TENM1: variants seen among roughly 807,000 people sequenced by gnomAD.
The protein encoded by TENM1 is teneurin-1.
A neutral mutation model predicts 174.8 loss-of-function variants in TENM1; 35 were observed. The ratio of observed to expected loss-of-function variants is 0.20; its 90% CI spans 0.15 to 0.27. TENM1 has a LOEUF of 0.27. Among genes scored for constraint, TENM1 ranks in the 10% least tolerant of loss-of-function variants. The pLI, the probability that TENM1 is intolerant of heterozygous loss-of-function variation, is 1.00. For missense variants in TENM1, 1,633 were observed against 2,130.1 expected (o/e 0.77, Z 4.59); for synonymous variants, 781 against 798.7 (o/e 0.98, Z 0.37).
intron 11 of TENM1, among the ~76,000 whole-genome samples, chrX:124,623,264 T>C (rs1046727197): frequency 3.6e-5 from 4 of 110,865 alleles, no homozygotes; most frequent in African/African-American, 1.3e-4. Context: ...TGAGTGTGCA[T>C]ATATGTGTGA....
chrX:125,080,321 G>A, the TENM1 span, among the ~76,000 whole-genome samples: 2 of 112,088 alleles, frequency 1.8e-5, no homozygotes, highest in Non-Finnish European at 1.9e-5. Context: ...GAATGGCACA[G>A]CTTGCCTATG....
At chrX:125,023,875 C>G in the TENM1 span, among the ~76,000 whole-genome samples, 2 of 111,180 alleles carry the variant, frequency 1.8e-5, no homozygotes, top group Non-Finnish European at 3.8e-5. Context: ...GGAACACAAA[C>G]AACTCAACAA....
chrX:124,567,265 C>T (rs1214117875), intron 11 of TENM1, among the ~76,000 whole-genome samples: 2 of 110,970 alleles, frequency 1.8e-5, no homozygotes, highest in Admixed American at 9.6e-5. Flanking sequence ...TATTTAAAGG[C>T]ATGGAAATAA....
intron 3 of TENM1, among the ~76,000 whole-genome samples, chrX:124,826,928 A>T (rs1266219169): frequency 1.8e-5 from 2 of 110,484 alleles, no homozygotes; most frequent in South Asian, 3.8e-4. Flanking sequence ...ACTGGTGTTT[A>T]AAAAAAAATG....
At chrX:124,921,240 C>A (rs1367715464) in intron 1 of TENM1, among the ~76,000 whole-genome samples, 8 of 110,056 alleles carry the variant, frequency 7.3e-5, no homozygotes, top group African/African-American at 2.6e-4. Context: ...TACAGTTGTT[C>A]ATAAAGACAA....
intron 19 of TENM1, 148 bp from the exon 23 acceptor site, chrX:124,497,413 C>T (rs1314011817): frequency 2.5e-5 from 14 of 561,851 alleles, no homozygotes; most frequent in South Asian, 2.0e-4. Flanking sequence ...CACACACTTT[C>T]CTCGGTTTTG....
At chrX:125,060,905 T>C in the TENM1 span, among the ~76,000 whole-genome samples, 2 of 111,114 alleles carry the variant, frequency 1.8e-5, no homozygotes, top group African/African-American at 6.5e-5. Context: ...GATACTAAGA[T>C]AATAAAACCA....
chrX:125,076,074 T>C, the TENM1 span, among the ~76,000 whole-genome samples: 20 of 111,803 alleles, frequency 1.8e-4, no homozygotes, highest in African/African-American at 6.2e-4. Context: ...TTATAATCAG[T>C]AAAAAGTTAT....
intron 25 of TENM1, among the ~76,000 whole-genome samples, chrX:124,409,734 CAGAG>C (rs2060509911): frequency 9.5e-6 from 1 of 104,823 alleles, no homozygotes; most frequent in African/African-American, 3.5e-5. Flanking sequence ...AACAGACAAA[CAGAG>C]AGCCAAATCA....
At chrX:124,766,418 C>T (rs1185805485) in intron 3 of TENM1, among the ~76,000 whole-genome samples, 2 of 111,392 alleles carry the variant, frequency 1.8e-5, no homozygotes, top group Non-Finnish European at 3.8e-5. Context: ...TTAATTGTTT[C>T]ATGAAACTTT....
rs777938931 is a variant in TENM1, at chrX:124,706,156, C to T, written c.777-905G>A. On this transcript the variant is annotated intron_variant, in intron 4 of 31. Coordinates refer to ENST00000422452, the Ensembl canonical transcript of TENM1. ...TTGACCTAGTGGTCCGCCCGCCTAG[C>T]CTCCCAAAGTGCTGGGATTACAGGC... 4.5e-5 allele frequency among the ~76,000 whole-genome samples: 5 copies of T among 112,329 alleles called. No homozygotes were observed. In the Admixed American group the frequency reaches 4.7e-4, roughly 11 times the overall value.
At chrX:124,714,238 T>C (rs769332716) in intron 4 of TENM1, among the ~76,000 whole-genome samples, 11 of 111,311 alleles carry the variant, frequency 9.9e-5, no homozygotes, top group Non-Finnish European at 1.7e-4. Flanking sequence ...AAAGGCAGAG[T>C]TGGTAATCAA....
At chrX:124,719,881 T>C (rs755317067) in intron 4 of TENM1, among the ~76,000 whole-genome samples, 1 of 112,161 alleles carries the variant, frequency 8.9e-6, no homozygotes, top group Non-Finnish European at 1.9e-5. Context: ...GGGTGCAGTA[T>C]AGAAATGGCT....
intron 22 of TENM1, 37 bp downstream of exon 25, chrX:124,481,695 G>GTATATATA (rs761348190): frequency 0.012 from 3,168 of 260,435 alleles, 45 homozygotes; most frequent in African/African-American, 0.052. Flanking sequence ...TGACCCAAGG[G>GTATATATA]TATATATATA....
intron 11 of TENM1, among the ~76,000 whole-genome samples, chrX:124,581,715 C>T (rs776732334): frequency 2.1e-3 from 228 of 110,732 alleles, no homozygotes; most frequent in African/African-American, 6.7e-3. Flanking sequence ...TTTTTTTTAA[C>T]TTTTTCATAG....
intron 22 of TENM1, among the ~76,000 whole-genome samples, chrX:124,457,368 T>C (rs943670020): frequency 8.9e-6 from 1 of 111,879 alleles, no homozygotes; most frequent in African/African-American, 3.2e-5. Context: ...GACCTGCTCA[T>C]AAATAAAGTG....
intron 3 of TENM1, among the ~76,000 whole-genome samples, chrX:124,760,481 G>C (rs900153570): frequency 9.0e-6 from 1 of 111,496 alleles, no homozygotes; most frequent in Non-Finnish European, 1.9e-5. Flanking sequence ...GGAGTGGTGC[G>C]AGAGGGCATC....
intron 3 of TENM1, among the ~76,000 whole-genome samples, chrX:124,742,805 T>C (rs1490285920): frequency 1.8e-5 from 2 of 110,167 alleles, no homozygotes; most frequent in Admixed American, 9.8e-5. Flanking sequence ...CTGAAGACCA[T>C]ATAATCTACA....
chrX:124,831,962 C>T (rs1050638217), intron 3 of TENM1, among the ~76,000 whole-genome samples: 3 of 111,654 alleles, frequency 2.7e-5, no homozygotes, highest in Admixed American at 9.5e-5. Context: ...AGGTACCTCT[C>T]GGCTGCTCTA....
Sources: allele counts gnomAD v4.1 joint callset (sites outside exome capture counted in the v4.1 genomes callset), GRCh38; gene constraint gnomAD v4.1.1; transcripts MANE v1.5; gene names NCBI Gene and HGNC (gene_info 2026-07-23, HGNC 2026-07-21).